The following TCF4 variants were observed in gnomAD, a reference collection of about 807,000 sequenced individuals.
The protein encoded by TCF4 is transcription factor 4.
A neutral mutation model predicts 82.1 loss-of-function variants in TCF4; 3 were observed. That is an observed-to-expected ratio of 0.04 (90% CI 0.02 to 0.09). TCF4 has a LOEUF of 0.09. TCF4 is among the 10% of genes least tolerant of loss of function. The pLI is 1.00. For missense variants in TCF4, 518 were observed against 852.7 expected, an observed-to-expected ratio of 0.61 and a Z score of 4.89; for synonymous variants, 276 against 309.6, an observed-to-expected ratio of 0.89 and a Z score of 1.14.
At chr18:55,384,763 TGAG>T (rs745805097) in intron 6 of TCF4, among the ~76,000 whole-genome samples, 1 of 152,128 alleles carries the variant, frequency 6.6e-6, no homozygotes, top group Non-Finnish European at 1.5e-5. Context: ...GCTAGCTCCT[TGAG>T]GACACTGGAG....
At chr18:55,492,773 C>T (rs1172119304) in intron 3 of TCF4, among the ~76,000 whole-genome samples, 1 of 152,150 alleles carries the variant, frequency 6.6e-6, no homozygotes, top group Non-Finnish European at 1.5e-5. Context: ...GGCACGAATG[C>T]CCCAGTTGCC....
At chr18:55,502,898 C>T (rs1484472483) in intron 3 of TCF4, among the ~76,000 whole-genome samples, 1 of 152,172 alleles carries the variant, frequency 6.6e-6, no homozygotes, top group Non-Finnish European at 1.5e-5. Flanking sequence ...TAATCGACGA[C>T]TTAAAGTAGG....
At chr18:55,328,575 C>A (rs927544320) in intron 8 of TCF4, among the ~76,000 whole-genome samples, 3 of 152,102 alleles carry the variant, frequency 2.0e-5, no homozygotes, top group African/African-American at 7.2e-5. Context: ...GCGAGCTTAC[C>A]ACAATCACCT....
intron 14 of TCF4, among the ~76,000 whole-genome samples, chr18:55,255,827 A>AG (rs1442362151): frequency 6.6e-6 from 1 of 152,206 alleles, no homozygotes; most frequent in African/African-American, 2.4e-5. Flanking sequence ...TCTTTGCACT[A>AG]GATCATGCTA....
intron 8 of TCF4, among the ~76,000 whole-genome samples, chr18:55,330,580 T>G (rs2077377122): frequency 6.6e-6 from 1 of 151,976 alleles, no homozygotes; most frequent in Admixed American, 6.6e-5. Context: ...ATTTTCTTTT[T>G]TTTTGAGACG....
intron 3 of TCF4, chr18:55,510,580 TCTG>T: frequency 6.7e-7 from 1 of 1,498,956 alleles, no homozygotes; most frequent in Non-Finnish European, 8.9e-7. Flanking sequence ...AATATTTACC[TCTG>T]CTGTCCTCTT....
chr18:55,427,000 T>C (rs560897726), intron 5 of TCF4, among the ~76,000 whole-genome samples: 31 of 152,216 alleles, frequency 2.0e-4, no homozygotes, highest in Non-Finnish European at 4.0e-4. Context: ...TCCTGAATTA[T>C]TTTTTGGTCA....
intron 2 of TCF4, among the ~76,000 whole-genome samples, chr18:55,627,089 T>G (rs1009531127): frequency 1.3e-5 from 2 of 152,206 alleles, no homozygotes; most frequent in African/African-American, 4.8e-5. Flanking sequence ...GTTCAACTTT[T>G]GCAGCCCTGC....
chr18:55,239,360 A>G (rs1390475634), intron 15 of TCF4, among the ~76,000 whole-genome samples: 1 of 152,160 alleles, frequency 6.6e-6, no homozygotes, highest in Non-Finnish European at 1.5e-5. Context: ...GTGACTTAAG[A>G]TCCAACTTTC....
intron 15 of TCF4, among the ~76,000 whole-genome samples, chr18:55,243,218 G>T (rs2051908463): frequency 6.6e-6 from 1 of 152,242 alleles, no homozygotes; most frequent in South Asian, 2.1e-4. Flanking sequence ...CTGTGTATGT[G>T]TGAAGAAGCA....
chr18:55,619,030 G>A (rs548853013), intron 2 of TCF4, among the ~76,000 whole-genome samples: 10 of 152,200 alleles, frequency 6.6e-5, no homozygotes, highest in African/African-American at 2.2e-4. Flanking sequence ...CATAGAATGA[G>A]ATTAAGGTTA....
In TCF4 at chr18:55,403,571, AT is replaced by A. The variant is rs776913269; in HGVS notation, c.305-54del. 5.6e-6 allele frequency: 9 copies of A among 1,613,692 alleles called. 1 individual carries two copies. The highest frequency in any genetic ancestry group is 1.7e-4 in the Middle Eastern group (1 of 6,060). On this transcript the variant is annotated intron_variant, in intron 5 of 19. Transcript: ENST00000354452. ...AAATTGTGTTTTTCCTTAAAAAAAA[AT>A]CTCCTCCAGGTAACAGACATCTACT... is the stretch of plus-strand genomic sequence containing the variant.
At chr18:55,302,367 A>T in intron 8 of TCF4, 1 of 1,507,216 alleles carries the variant, frequency 6.6e-7, no homozygotes, top group Non-Finnish European at 8.9e-7. Context: ...AAGAGGTGTC[A>T]AGTCAGGCAG....
At chr18:55,565,293 A>G (rs1004393615) in intron 3 of TCF4, among the ~76,000 whole-genome samples, 2 of 152,044 alleles carry the variant, frequency 1.3e-5, no homozygotes, top group South Asian at 2.1e-4. Flanking sequence ...CAAAACAACC[A>G]ATGTTCAACA....
At chr18:55,449,866 G>A (rs1398904732) in intron 5 of TCF4, among the ~76,000 whole-genome samples, 1 of 151,846 alleles carries the variant, frequency 6.6e-6, no homozygotes, top group African/African-American at 2.4e-5. Flanking sequence ...CGAGGGGGTG[G>A]CATTTAATTA....
intron 3 of TCF4, among the ~76,000 whole-genome samples, chr18:55,558,391 A>C (rs909670430): frequency 6.6e-6 from 1 of 152,200 alleles, no homozygotes; most frequent in Non-Finnish European, 1.5e-5. Flanking sequence ...TAAGAACTCT[A>C]AATTGGAATA....
intron 11 of TCF4, among the ~76,000 whole-genome samples, chr18:55,264,362 C>A (rs2058669483): frequency 1.3e-5 from 2 of 152,114 alleles, no homozygotes; most frequent in Non-Finnish European, 2.9e-5. Context: ...AGTGCCAAAC[C>A]CAAGGGCTTA....
chr18:55,409,488 T>G (rs1054630692), intron 5 of TCF4, among the ~76,000 whole-genome samples: 2 of 152,138 alleles, frequency 1.3e-5, no homozygotes, highest in African/African-American at 2.4e-5. Context: ...ATCACAGACA[T>G]GAGACACTGT....
chr18:55,622,453 C>T (rs990092289), intron 2 of TCF4, among the ~76,000 whole-genome samples: 1 of 148,300 alleles, frequency 6.7e-6, no homozygotes, highest in Admixed American at 6.8e-5. Flanking sequence ...TGCAGTGAGC[C>T]GAGATCACAT....
Sources: gnomAD v4.1 joint callset for allele counts (sites outside exome capture counted in the v4.1 genomes callset) on GRCh38, gnomAD v4.1.1 for gene constraint, MANE v1.5 for transcripts, NCBI Gene and HGNC (gene_info 2026-07-23, HGNC 2026-07-21) for gene names.